The following CSMD1 variants were observed in gnomAD, a reference collection of about 807,000 sequenced individuals.
CSMD1 encodes CUB and sushi domain-containing protein 1.
A neutral mutation model predicts 417.5 loss-of-function variants in CSMD1; 213 were observed. That is an observed-to-expected ratio of 0.51 (90% CI 0.46 to 0.57). The LOEUF is 0.57. Among genes scored for constraint, CSMD1 ranks in the 20% least tolerant of loss-of-function variants. The probability of loss-of-function intolerance (pLI) is 0.00; values close to 1 mark genes in which losing one functional copy is unlikely to be tolerated. For synonymous variants in CSMD1, 2,862 were observed against 1,736.8 expected, an observed-to-expected ratio of 1.65 and a Z score of -16.11; for missense variants, 6,923 against 4,529.7, an observed-to-expected ratio of 1.53 and a Z score of -15.17.
intron 1 of CSMD1, among the ~76,000 whole-genome samples, chr8:4,812,482 T>G (rs1235509103): frequency 1.3e-5 from 2 of 152,188 alleles, no homozygotes; most frequent in African/African-American, 4.8e-5. Flanking sequence ...AATACTTAAG[T>G]TGACAGATAT....
In CSMD1 at chr8:4,994,656, C is replaced by CGGGGCCGGGGCCGGGGACG. The variant is rs1811662229; in HGVS notation, c.-259_-241dup. The stretch of plus-strand genomic sequence containing the variant: ...CTCCGAGCGCGGAGACCCGGGCTGG[C>CGGGGCCGGGGCCGGGGACG]GGGGCCGGGGCCGGGGACGAGCGCC... On this transcript the variant is annotated 5_prime_UTR_variant, in exon 1 of 70. Coordinates refer to ENST00000635120, the MANE Select transcript of CSMD1 (RefSeq NM_033225.6). 7.3e-6 allele frequency: 3 copies of CGGGGCCGGGGCCGGGGACG among 409,298 alleles called. No individual in the cohort carries two copies. Among genetic ancestry groups the CGGGGCCGGGGCCGGGGACG allele is most frequent in the Non-Finnish European group, 1.3e-5 (3 of 228,828 alleles). The allele number at this position is 409,298 out of a possible 1,614,324, so 25.4% of individuals were successfully genotyped here. A position where few individuals can be genotyped will look rare whatever the true frequency, so the allele number is the denominator to read the frequency against.
chr8:3,257,181 G>T (rs1167908550), intron 26 of CSMD1, among the ~76,000 whole-genome samples: 1 of 152,090 alleles, frequency 6.6e-6, no homozygotes, highest in Non-Finnish European at 1.5e-5. Flanking sequence ...AATTTGCTGG[G>T]TTTGGTGGTG....
At chr8:3,753,868 GA>G in intron 6 of CSMD1, 61 bp downstream of exon 6, 1 of 1,194,926 alleles carries the variant, frequency 8.4e-7, no homozygotes, top group Non-Finnish European at 1.2e-6. Context: ...TTCATGGCTA[GA>G]AAGGATCAAA....
intron 3 of CSMD1, among the ~76,000 whole-genome samples, chr8:4,090,971 T>A (rs1585293512): frequency 6.6e-6 from 1 of 151,380 alleles, no homozygotes; most frequent in Non-Finnish European, 1.5e-5. Context: ...CAGGCTGGAG[T>A]GCAGCGGTGC....
chr8:3,996,224 G>A (rs535729795), intron 5 of CSMD1, among the ~76,000 whole-genome samples: 1 of 152,182 alleles, frequency 6.6e-6, no homozygotes, highest in African/African-American at 2.4e-5. Context: ...CTAGCAAGGT[G>A]TGCAGTCAAT....
At chr8:3,876,682 G>A (rs1371828164) in intron 5 of CSMD1, among the ~76,000 whole-genome samples, 1 of 152,108 alleles carries the variant, frequency 6.6e-6, no homozygotes, top group African/African-American at 2.4e-5. Flanking sequence ...CTATCAGTGC[G>A]CACTGTAGCC....
chr8:4,100,520 G>C (rs1008587424), intron 3 of CSMD1, among the ~76,000 whole-genome samples: 16 of 152,134 alleles, frequency 1.1e-4, no homozygotes. Context: ...TTAAAAATGG[G>C]TATCTTATAG....
intron 3 of CSMD1, among the ~76,000 whole-genome samples, chr8:4,060,644 GC>G (rs1798923940): frequency 6.6e-6 from 1 of 152,160 alleles, no homozygotes; most frequent in Non-Finnish European, 1.5e-5. Context: ...AGGAGGATCT[GC>G]AAAGGAGAAG....
intron 5 of CSMD1, among the ~76,000 whole-genome samples, chr8:3,807,651 T>G (rs1416732724): frequency 6.6e-6 from 1 of 152,198 alleles, no homozygotes; most frequent in Non-Finnish European, 1.5e-5. Context: ...ACTGGGAAGT[T>G]TTCATTCACC....
intron 3 of CSMD1, among the ~76,000 whole-genome samples, chr8:4,277,443 T>G (rs1424454939): frequency 2.0e-5 from 3 of 152,148 alleles, no homozygotes; most frequent in Non-Finnish European, 2.9e-5. Context: ...CAGCTTTCAG[T>G]CAACCTCCTC....
At chr8:3,846,030 G>C (rs571543109) in intron 5 of CSMD1, among the ~76,000 whole-genome samples, 44 of 151,862 alleles carry the variant, frequency 2.9e-4, no homozygotes, top group South Asian at 8.3e-4. Context: ...TCTTCTGAAA[G>C]AGCTGCCTAA....
intron 50 of CSMD1, among the ~76,000 whole-genome samples, chr8:3,051,251 G>A (rs1422167438): frequency 2.6e-5 from 4 of 152,320 alleles, no homozygotes; most frequent in East Asian, 3.9e-4. Context: ...TACACATCAT[G>A]GAATACTATG....
At chr8:4,351,661 G>A (rs1801100170) in intron 3 of CSMD1, among the ~76,000 whole-genome samples, 1 of 152,192 alleles carries the variant, frequency 6.6e-6, no homozygotes, top group Non-Finnish European at 1.5e-5. Flanking sequence ...AGGCTTCCCA[G>A]GCAAGATGTC....
intron 49 of CSMD1, among the ~76,000 whole-genome samples, chr8:3,061,226 G>C (rs540187881): frequency 4.8e-4 from 73 of 152,136 alleles, no homozygotes; most frequent in African/African-American, 1.7e-3. Flanking sequence ...TCCTCAGCAG[G>C]GGTTCTTTGA....
At chr8:4,605,564 C>T (rs1249300950) in intron 2 of CSMD1, among the ~76,000 whole-genome samples, 2 of 152,182 alleles carry the variant, frequency 1.3e-5, no homozygotes, top group East Asian at 1.9e-4. Flanking sequence ...ATTATCTTTT[C>T]TCTAAAGACT....
At chr8:4,087,875 C>G (rs2130836681) in intron 3 of CSMD1, among the ~76,000 whole-genome samples, 1 of 152,160 alleles carries the variant, frequency 6.6e-6, no homozygotes. Context: ...GAATTTCTAC[C>G]CTGCTTAACT....
chr8:4,478,615 G>C (rs989348353), intron 2 of CSMD1, among the ~76,000 whole-genome samples: 2 of 152,106 alleles, frequency 1.3e-5, no homozygotes, highest in African/African-American at 4.8e-5. Context: ...TATTGGCAGG[G>C]CGTTATAAAC....
chr8:4,497,309 G>A (rs1281096951), intron 2 of CSMD1, among the ~76,000 whole-genome samples: 1 of 152,152 alleles, frequency 6.6e-6, no homozygotes, highest in Non-Finnish European at 1.5e-5. Context: ...ATTTTGAAAC[G>A]ATTATCTCTC....
intron 3 of CSMD1, among the ~76,000 whole-genome samples, chr8:4,400,513 C>T (rs1318153449): frequency 6.6e-6 from 1 of 152,208 alleles, no homozygotes; most frequent in Non-Finnish European, 1.5e-5. Context: ...CTAAAAAAGT[C>T]AATAAAAATT....
Sources: gnomAD v4.1 joint callset for allele counts (sites outside exome capture counted in the v4.1 genomes callset) on GRCh38, gnomAD v4.1.1 for gene constraint, MANE v1.5 for transcripts, NCBI Gene and HGNC (gene_info 2026-07-23, HGNC 2026-07-21) for gene names.